The following OPHN1 variants were observed in gnomAD, a reference collection of about 807,000 sequenced individuals.
OPHN1 encodes oligophrenin 1.
In OPHN1, 11 loss-of-function variants were observed where a neutral mutation model predicts 60.7. The observed-to-expected ratio is 0.18, with a 90% CI of 0.11 to 0.30. The LOEUF (loss-of-function observed/expected upper bound fraction) is 0.30. Among genes scored for constraint, OPHN1 ranks in the 10% least tolerant of loss-of-function variants. The pLI is 1.00. For missense variants in OPHN1, 449 were observed against 611.0 expected (o/e 0.73, Z 2.80); for synonymous variants, 226 against 222.6 (o/e 1.02, Z -0.14).
chrX:68,364,469 G>A (rs1192172205), intron 2 of OPHN1, among the ~76,000 whole-genome samples: 3 of 111,818 alleles, frequency 2.7e-5, no homozygotes, highest in South Asian at 3.7e-4. Flanking sequence ...AATTTCTACA[G>A]CCTTAACACC....
rs1434413516 is a variant in OPHN1 at position 68,146,870 on chromosome X, A to C, written c.1277-27538T>G. Reference sequence around the variant, plus strand: ...TGTGTCTGTGTGTGTACACAAAGGCAAACATGTTCACAAGCAGGCATGCAT... The same window carrying C: ...TGTGTCTGTGTGTGTACACAAAGGCCAACATGTTCACAAGCAGGCATGCAT... On this transcript the variant is annotated intron_variant, in intron 15 of 24. Transcript: ENST00000355520. Among the ~76,000 whole-genome samples the C allele has an allele frequency of 4.5e-5, 5 of 110,209 alleles. No individual in the cohort carries two copies. In the East Asian group the frequency reaches 1.5e-3, roughly 32 times the overall value.
At chrX:68,113,337 A>C in intron 16 of OPHN1, 98 bp from the exon 17 acceptor site, 1 of 647,085 alleles carries the variant, frequency 1.5e-6, no homozygotes, top group East Asian at 3.4e-5. Context: ...CCTGAGCCCT[A>C]CAGCTTAGTG....
chrX:68,412,114 T>C (rs1221021630), intron 2 of OPHN1, among the ~76,000 whole-genome samples: 3 of 110,994 alleles, frequency 2.7e-5, no homozygotes, highest in African/African-American at 9.8e-5. Context: ...CAGACCTTTA[T>C]AGGTGTCAGA....
chrX:68,201,425 C>T (rs762107414), intron 11 of OPHN1, among the ~76,000 whole-genome samples, 194 bp downstream of exon 11: 2 of 111,855 alleles, frequency 1.8e-5, no homozygotes, highest in South Asian at 7.5e-4. Flanking sequence ...CAGAGAAAAG[C>T]AGCACTGGGC....
chrX:68,182,607 A>G (rs752417482), intron 15 of OPHN1, among the ~76,000 whole-genome samples: 1 of 111,648 alleles, frequency 9.0e-6, no homozygotes, highest in Non-Finnish European at 1.9e-5. Flanking sequence ...GAAATACTGA[A>G]GTTGTTGAAA....
At chrX:68,071,170 T>C (rs1818939896) in intron 20 of OPHN1, 1 of 701,245 alleles carries the variant, frequency 1.4e-6, no homozygotes, top group East Asian at 3.2e-5. Flanking sequence ...CTATGGGCTC[T>C]CCAAGACCTT....
At chrX:68,112,792 A>G (rs2077110691) in intron 17 of OPHN1, among the ~76,000 whole-genome samples, 1 of 112,309 alleles carries the variant, frequency 8.9e-6, no homozygotes, top group Non-Finnish European at 1.9e-5. Flanking sequence ...CACAGTCGAA[A>G]AGCATTTGAA....
rs1403137767 is a variant in OPHN1 at position 68,112,094 on chromosome X, G to C, written c.1421-135C>G. 58 of 377,149 alleles carry C rather than the reference G, an allele frequency of 1.5e-4. 3 individuals are homozygous for C. Among genetic ancestry groups the C allele is most frequent in the Admixed American group, 6.2e-4 (14 of 22,593 alleles). 31.1% of individuals were successfully genotyped at this position (377,149 alleles called of 1,213,427 possible). Reference sequence around the variant, plus strand: ...ACACACACACACACACACACAGAGAGAGATTCGGAGAAAGACACCCAGAGA... The same window carrying C: ...ACACACACACACACACACACAGAGACAGATTCGGAGAAAGACACCCAGAGA... On this transcript the variant is annotated intron_variant, in intron 17 of 24. Coordinates refer to ENST00000355520, the MANE Select transcript of OPHN1 (RefSeq NM_002547.3).
intron 18 of OPHN1, among the ~76,000 whole-genome samples, chrX:68,106,325 T>C (rs1297440877): frequency 1.8e-5 from 2 of 110,053 alleles, no homozygotes. Context: ...TTCAGAATGG[T>C]AGCCCAGGCC....
intron 9 of OPHN1, among the ~76,000 whole-genome samples, chrX:68,209,502 G>A (rs1375933630): frequency 9.0e-6 from 1 of 111,522 alleles, no homozygotes; most frequent in African/African-American, 3.3e-5. Flanking sequence ...GGAGTATGAG[G>A]CTGTAGTGAG....
chrX:68,293,788 C>A (rs1470209848), intron 3 of OPHN1, among the ~76,000 whole-genome samples: 1 of 111,745 alleles, frequency 8.9e-6, no homozygotes, highest in South Asian at 3.8e-4. Context: ...TATTCACTCT[C>A]AAGTGCCAGC....
intron 19 of OPHN1, among the ~76,000 whole-genome samples, chrX:68,090,565 T>C (rs2077013704): frequency 9.1e-6 from 1 of 110,300 alleles, no homozygotes; most frequent in African/African-American, 3.3e-5. Flanking sequence ...CTGAAAAGTA[T>C]ATAAATCAGA....
chrX:68,188,115 A>G (rs1747270823), intron 15 of OPHN1, among the ~76,000 whole-genome samples: 1 of 112,097 alleles, frequency 8.9e-6, no homozygotes, highest in African/African-American at 3.2e-5. Flanking sequence ...CAACAACTGA[A>G]ATTATTTTTG....
intron 2 of OPHN1, among the ~76,000 whole-genome samples, chrX:68,352,636 C>T (rs1885722105): frequency 8.9e-6 from 1 of 112,035 alleles, no homozygotes; most frequent in Admixed American, 9.5e-5. Context: ...TGGAAAGCAA[C>T]TTAGGTTTCA....
At chrX:68,081,233 T>G (rs909195278) in intron 19 of OPHN1, among the ~76,000 whole-genome samples, 4 of 111,314 alleles carry the variant, frequency 3.6e-5, no homozygotes, top group Non-Finnish European at 7.5e-5. Flanking sequence ...CAACTATAAT[T>G]GGGAAGAGAG....
At chrX:68,217,780 C>G (rs1324457302) in intron 6 of OPHN1, among the ~76,000 whole-genome samples, 1 of 107,444 alleles carries the variant, frequency 9.3e-6, no homozygotes, top group African/African-American at 3.3e-5. Context: ...CCCATCTGTA[C>G]ATCACCATCA....
At chrX:68,080,706 G>C (rs1271734802) in intron 19 of OPHN1, among the ~76,000 whole-genome samples, 1 of 111,992 alleles carries the variant, frequency 8.9e-6, no homozygotes, top group East Asian at 2.8e-4. Flanking sequence ...CAAGTGGTGA[G>C]GATGGCAGAA....
At chrX:68,189,378 T>C (rs1348909174) in intron 15 of OPHN1, among the ~76,000 whole-genome samples, 1 of 111,897 alleles carries the variant, frequency 8.9e-6, no homozygotes, top group Non-Finnish European at 1.9e-5. Flanking sequence ...TTTTATACTT[T>C]AAGTTCTAGG....
At chrX:68,307,458 CAA>C (rs757375176) in intron 2 of OPHN1, among the ~76,000 whole-genome samples, 12 of 50,096 alleles carry the variant, frequency 2.4e-4, no homozygotes, top group Admixed American at 5.1e-4. Context: ...CCTATGTCAA[CAA>C]AAAAAAAAAA....
Sources: allele counts gnomAD v4.1 joint callset (sites outside exome capture counted in the v4.1 genomes callset), GRCh38; gene constraint gnomAD v4.1.1; transcripts MANE v1.5; gene names NCBI Gene and HGNC (gene_info 2026-07-23, HGNC 2026-07-21).